Variants in SH3RF2 observed in about 807,000 individuals in gnomAD.
The protein encoded by SH3RF2 is SH3 domain containing ring finger 2.
A neutral mutation model predicts 59.0 loss-of-function variants in SH3RF2; 43 were observed. The observed-to-expected ratio is 0.73, with a 90% CI of 0.57 to 0.94. The LOEUF (loss-of-function observed/expected upper bound fraction) is 0.94. Ranked by LOEUF, SH3RF2 falls within the 40% of genes least tolerant of loss-of-function variation. The pLI, the probability that SH3RF2 is intolerant of heterozygous loss-of-function variation, is 0.00. For missense variants in SH3RF2, 930 were observed against 940.1 expected, an observed-to-expected ratio of 0.99 and a Z score of 0.14; for synonymous variants, 391 against 391.5, an observed-to-expected ratio of 1.00 and a Z score of 0.01.
intron 6 of SH3RF2, 75 bp downstream of exon 6, chr5:146,047,938 A>G: frequency 2.2e-6 from 3 of 1,360,026 alleles, no homozygotes; most frequent in Non-Finnish European, 3.1e-6. Flanking sequence ...GTGGTGATCT[A>G]GCATCACCAT....
At chr5:146,062,287 T>C in intron 9 of SH3RF2, 139 bp from the exon 10 acceptor site, 1 of 1,078,572 alleles carries the variant, frequency 9.3e-7, no homozygotes, top group Non-Finnish European at 1.4e-6. Context: ...ACTTCCCCCA[T>C]CTTAGCACTT....
At chr5:145,971,516 TTTC>T (rs1436123679) in intron 2 of SH3RF2, among the ~76,000 whole-genome samples, 1 of 152,238 alleles carries the variant, frequency 6.6e-6, no homozygotes, top group Non-Finnish European at 1.5e-5. Context: ...ACAGGTTATT[TTTC>T]TAATGCCTTC....
chr5:146,051,760 A>G (rs1401017248), intron 7 of SH3RF2, among the ~76,000 whole-genome samples: 3 of 152,180 alleles, frequency 2.0e-5, no homozygotes, highest in Non-Finnish European at 2.9e-5. Flanking sequence ...AGTTGAATAC[A>G]TGAGTTTAGC....
chr5:145,964,388 C>T (rs1167711099), intron 2 of SH3RF2, among the ~76,000 whole-genome samples: 1 of 150,772 alleles, frequency 6.6e-6, no homozygotes, highest in African/African-American at 2.4e-5. Context: ...CTCGCTGCAA[C>T]CTCCACCTCC....
At chr5:146,012,645 T>A (rs2149992376) in intron 4 of SH3RF2, among the ~76,000 whole-genome samples, 1 of 152,316 alleles carries the variant, frequency 6.6e-6, no homozygotes, top group African/African-American at 2.4e-5. Flanking sequence ...TGGTAACAAT[T>A]ATAAAAATGA....
chr5:146,027,016 G>A (rs1033321694), intron 5 of SH3RF2, among the ~76,000 whole-genome samples: 3 of 152,180 alleles, frequency 2.0e-5, no homozygotes, highest in Non-Finnish European at 4.4e-5. Context: ...CACTGCCCCA[G>A]GGCCAGCCTA....
intron 7 of SH3RF2, among the ~76,000 whole-genome samples, chr5:146,051,671 G>A (rs1489201335): frequency 1.3e-5 from 2 of 152,196 alleles, no homozygotes; most frequent in South Asian, 2.1e-4. Context: ...TTTGGGGTAT[G>A]GAGGGAAGTA....
At position 145,997,510 on chromosome 5, in the gene SH3RF2, A is replaced by G. The variant is rs534460002; in HGVS notation, c.379-2548A>G. On this transcript the variant is annotated intron_variant, in intron 2 of 9. Transcript: ENST00000359120. ...CAATTTGGGAAAGATGCTTATGTCT[A>G]TCTGAAGAATCCTCCTCGAGATTTT... 62 of 1,601,196 alleles carry G rather than the reference A, an allele frequency of 3.9e-5. 1 individual carries two copies. The South Asian group carries it at 6.5e-4, about 17-fold the overall frequency.
intron 2 of SH3RF2, among the ~76,000 whole-genome samples, chr5:145,989,458 C>T (rs1759849494): frequency 6.6e-6 from 1 of 152,186 alleles, no homozygotes; most frequent in Non-Finnish European, 1.5e-5. Context: ...TCTTAAACAC[C>T]TACTTGTGTA....
intron 5 of SH3RF2, among the ~76,000 whole-genome samples, chr5:146,045,921 T>A (rs573822527): frequency 3.9e-4 from 60 of 152,358 alleles, no homozygotes; most frequent in African/African-American, 1.3e-3. Context: ...GCATAGAGGC[T>A]GTACCATTTT....
chr5:146,039,767 A>G (rs1283452259), intron 5 of SH3RF2, among the ~76,000 whole-genome samples: 1 of 152,198 alleles, frequency 6.6e-6, no homozygotes, highest in African/African-American at 2.4e-5. Flanking sequence ...TCCTGGAGAA[A>G]TTCTTGCCCA....
chr5:146,058,307 T>C (rs1280629637), intron 8 of SH3RF2, among the ~76,000 whole-genome samples: 7 of 152,230 alleles, frequency 4.6e-5, no homozygotes, highest in Non-Finnish European at 7.3e-5. Context: ...GGAGGCTTTC[T>C]CTTTCTCTCT....
At chr5:146,034,509 T>G (rs1761858741) in intron 5 of SH3RF2, among the ~76,000 whole-genome samples, 1 of 152,178 alleles carries the variant, frequency 6.6e-6, no homozygotes, top group Non-Finnish European at 1.5e-5. Context: ...AAGTGATGGC[T>G]TTGGAAACAC....
intron 5 of SH3RF2, among the ~76,000 whole-genome samples, chr5:146,018,205 C>A (rs1352887822): frequency 6.6e-6 from 1 of 152,040 alleles, no homozygotes. Context: ...CCGGAGTAGC[C>A]TCCATTGTAT....
At chr5:146,076,049 G>C (rs1180834786) in intron 9 of SH3RF2, among the ~76,000 whole-genome samples, 5 of 152,114 alleles carry the variant, frequency 3.3e-5, no homozygotes, top group African/African-American at 1.2e-4. Flanking sequence ...CTATTAAAAT[G>C]TCAGTTGATC....
At chr5:145,995,406 C>T (rs1032139825) in intron 2 of SH3RF2, among the ~76,000 whole-genome samples, 2 of 152,166 alleles carry the variant, frequency 1.3e-5, no homozygotes, top group African/African-American at 2.4e-5. Flanking sequence ...CTGATGTACC[C>T]AACCCCGGGG....
At chr5:146,060,260 C>T (rs777817622) in intron 9 of SH3RF2, 36 bp downstream of exon 9, 9 of 1,535,166 alleles carry the variant, frequency 5.9e-6, no homozygotes, top group East Asian at 2.3e-5. Context: ...CCAACTCTTT[C>T]GATCCCGTAC....
chr5:145,963,831 T>TA (rs1238431357), intron 2 of SH3RF2, among the ~76,000 whole-genome samples: 1 of 137,828 alleles, frequency 7.3e-6, no homozygotes, highest in Non-Finnish European at 1.5e-5. Flanking sequence ...TCTTTTTTGT[T>TA]TTTTTTTTTT....
rs368129681 is a variant in SH3RF2 at position 146,062,017 on chromosome 5, G to A, written c.1915-409G>A. Among the ~76,000 whole-genome samples, 30 of 152,180 alleles carry A rather than the reference G, an allele frequency of 2.0e-4. No individual in the cohort carries two copies. The South Asian group carries it at 5.6e-3, about 28-fold the overall frequency. On this transcript the variant is annotated intron_variant, in intron 9 of 9. Transcript: ENST00000359120. ...CTCTAAATGGAGTCATCAGGAGAGT[G>A]GCCTCAAAGAAAAGGAAAAACTTGA...
Sources: gnomAD v4.1 joint callset for allele counts (sites outside exome capture counted in the v4.1 genomes callset) on GRCh38, gnomAD v4.1.1 for gene constraint, MANE v1.5 for transcripts, NCBI Gene and HGNC (gene_info 2026-07-23, HGNC 2026-07-21) for gene names.